COL21A1: variants seen among roughly 807,000 people sequenced by gnomAD.
The protein encoded by COL21A1 is collagen alpha-1(XXI) chain.
In COL21A1, 149 loss-of-function variants were observed where a neutral mutation model predicts 137.9. That is an observed-to-expected ratio of 1.08 (90% CI 0.95 to 1.24). COL21A1 has a LOEUF of 1.24. COL21A1 is among the 50% of genes most tolerant of loss of function. The pLI is 0.00. For synonymous variants in COL21A1, 456 were observed against 391.5 expected, an observed-to-expected ratio of 1.16 and a Z score of -1.95; for missense variants, 1,167 against 1,158.4, an observed-to-expected ratio of 1.01 and a Z score of -0.11.
chr6:56,164,320 G>T, intron 9 of COL21A1, 103 bp downstream of exon 9: 1 of 783,916 alleles, frequency 1.3e-6, no homozygotes, highest in Non-Finnish European at 2.1e-6. Flanking sequence ...TAAGAAATCA[G>T]ATAGAAATTT....
chr6:56,093,174 G>A (rs957012196), intron 17 of COL21A1, among the ~76,000 whole-genome samples: 1 of 151,742 alleles, frequency 6.6e-6, no homozygotes, highest in African/African-American at 2.4e-5. Context: ...ACAGATTCTG[G>A]GGATTAAGAG....
At position 56,098,086 on chromosome 6, in the gene COL21A1, AAT is replaced by A. The variant is rs1215623623; in HGVS notation, c.1812+3384_1812+3385del. 5.7e-3 allele frequency among the ~76,000 whole-genome samples: 22 copies of A among 3,888 alleles called. 1 individual carries two copies. The highest frequency in any genetic ancestry group is 9.6e-3 in the Non-Finnish European group (19 of 1,978). 2.6% of individuals were successfully genotyped at this position (3,888 alleles called of 152,430 possible). A position where few individuals can be genotyped will look rare whatever the true frequency, so the allele number is the denominator to read the frequency against. ...AAATATATAAATATATATAAATATAAATATATATAAATATATAAATATATATA... is the reference window on the plus strand; with the variant it reads ...AAATATATAAATATATATAAATATAAATATATAAATATATAAATATATATA... On this transcript the variant is annotated intron_variant, in intron 17 of 29. Coordinates refer to ENST00000244728, the MANE Select transcript of COL21A1 (RefSeq NM_030820.4).
intron 1 of COL21A1, among the ~76,000 whole-genome samples, chr6:56,241,743 A>T (rs1175904535): frequency 6.6e-6 from 1 of 152,222 alleles, no homozygotes; most frequent in Non-Finnish European, 1.5e-5. Flanking sequence ...ATTAATAAAT[A>T]GTATTATGTC....
chr6:56,117,993 C>T (rs964597991), intron 16 of COL21A1, among the ~76,000 whole-genome samples: 3 of 151,644 alleles, frequency 2.0e-5, no homozygotes, highest in African/African-American at 7.3e-5. Flanking sequence ...AAAAAAACTT[C>T]AAATAAGCAA....
At chr6:56,297,912 G>A (rs1409721359) in intron 1 of COL21A1, among the ~76,000 whole-genome samples, 1 of 151,972 alleles carries the variant, frequency 6.6e-6, no homozygotes, top group Non-Finnish European at 1.5e-5. Flanking sequence ...CCTCAATTCT[G>A]CACTGTTCAT....
intron 18 of COL21A1, 80 bp from the exon 19 acceptor site, chr6:56,075,612 G>A (rs1767165034): frequency 3.0e-6 from 3 of 1,011,466 alleles, no homozygotes; most frequent in Middle Eastern, 6.1e-4. Flanking sequence ...AAAGCACAAT[G>A]GAATGACAAT....
chr6:56,311,947 G>T (rs980335607), intron 1 of COL21A1, among the ~76,000 whole-genome samples: 6 of 152,226 alleles, frequency 3.9e-5, no homozygotes, highest in African/African-American at 1.4e-4. Flanking sequence ...TGACAGCGAG[G>T]ATGAGGACTG....
chr6:56,067,392 CAT>C, intron 22 of COL21A1, 62 bp from the exon 23 acceptor site: 1 of 1,461,558 alleles, frequency 6.8e-7, no homozygotes, highest in Non-Finnish European at 9.5e-7. Context: ...TTCAAATAAA[CAT>C]ATATTTTTCT....
At chr6:56,137,736 A>G (rs1315429042) in intron 12 of COL21A1, among the ~76,000 whole-genome samples, 2 of 151,162 alleles carry the variant, frequency 1.3e-5, no homozygotes, top group Non-Finnish European at 3.0e-5. Context: ...ACCAACAGAA[A>G]AAAGAGAAAA....
chr6:56,068,993 T>G, intron 22 of COL21A1, 53 bp downstream of exon 22: 1 of 1,234,630 alleles, frequency 8.1e-7, no homozygotes, highest in Non-Finnish European at 1.2e-6. Flanking sequence ...AAAGAAAAAC[T>G]TGTTTGCAAG....
chr6:56,369,658 T>C (rs974174260), intron 1 of COL21A1, among the ~76,000 whole-genome samples: 3 of 152,170 alleles, frequency 2.0e-5, no homozygotes, highest in African/African-American at 7.2e-5. Context: ...CAGAGAGAGA[T>C]CTTTTAAATC....
At chr6:56,321,346 T>C (rs1764862901) in intron 1 of COL21A1, among the ~76,000 whole-genome samples, 1 of 152,204 alleles carries the variant, frequency 6.6e-6, no homozygotes, top group South Asian at 2.1e-4. Flanking sequence ...AGAGTTCCTC[T>C]CCTAAAATGA....
intron 1 of COL21A1, among the ~76,000 whole-genome samples, chr6:56,283,249 G>C (rs1763823198): frequency 6.6e-6 from 1 of 151,414 alleles, no homozygotes; most frequent in African/African-American, 2.4e-5. Context: ...AAAAAAAAAT[G>C]TCCAACAAGG....
At chr6:56,167,066 C>T in intron 6 of COL21A1, 83 bp from the exon 7 acceptor site, 1 of 905,292 alleles carries the variant, frequency 1.1e-6, no homozygotes, top group Admixed American at 2.1e-5. Context: ...TAGAAACATC[C>T]ACTATGGTTA....
chr6:56,353,382 C>A (rs1280543948), intron 1 of COL21A1, among the ~76,000 whole-genome samples: 1 of 152,054 alleles, frequency 6.6e-6, no homozygotes, highest in Non-Finnish European at 1.5e-5. Context: ...GCCTGAAGAA[C>A]CCCACCACTT....
chr6:56,083,737 C>T (rs1163161218), intron 17 of COL21A1, among the ~76,000 whole-genome samples: 1 of 151,636 alleles, frequency 6.6e-6, no homozygotes, highest in African/African-American at 2.4e-5. Flanking sequence ...ATAATAATAC[C>T]TAAAAAAGAA....
intron 23 of COL21A1, 120 bp from the exon 24 acceptor site, chr6:56,064,742 AAT>A: frequency 3.7e-6 from 2 of 547,672 alleles, no homozygotes; most frequent in Non-Finnish European, 6.2e-6. Flanking sequence ...CAGCGATACA[AAT>A]ATATAAATTA....
At chr6:56,178,530 A>AT (rs1180481880) in intron 3 of COL21A1, among the ~76,000 whole-genome samples, 2 of 152,058 alleles carry the variant, frequency 1.3e-5, no homozygotes, top group East Asian at 1.9e-4. Context: ...AACACACAGG[A>AT]TTTTTTTGTC....
intron 1 of COL21A1, among the ~76,000 whole-genome samples, chr6:56,269,654 C>CAAAAAAAAAAA (rs70986792): frequency 1.6e-5 from 1 of 64,052 alleles, no homozygotes; most frequent in Non-Finnish European, 2.7e-5. Context: ...GACTCCGTCT[C>CAAAAAAAAAAA]AAAAAAAAAA....
Sources: gnomAD v4.1 joint callset for allele counts (sites outside exome capture counted in the v4.1 genomes callset) on GRCh38, gnomAD v4.1.1 for gene constraint, MANE v1.5 for transcripts, NCBI Gene and HGNC (gene_info 2026-07-23, HGNC 2026-07-21) for gene names.